The following FASTK variants were observed in gnomAD, a reference collection of about 807,000 sequenced individuals.
FASTK encodes the protein Fas activated serine/threonine kinase.
In FASTK, 28 loss-of-function variants were observed where a neutral mutation model predicts 60.0. The ratio of observed to expected loss-of-function variants is 0.47; its 90% CI spans 0.35 to 0.64. FASTK has a LOEUF of 0.64. Among genes scored for constraint, FASTK ranks in the 30% least tolerant of loss-of-function variants. The pLI is 0.01. For missense variants in FASTK, 595 were observed against 713.8 expected, an observed-to-expected ratio of 0.83 and a Z score of 1.90; for synonymous variants, 325 against 307.9, an observed-to-expected ratio of 1.06 and a Z score of -0.58.
intron 1 of FASTK, chr7:151,080,478 C>A: frequency 1.6e-6 from 2 of 1,285,634 alleles, no homozygotes; most frequent in Non-Finnish European, 2.0e-6. Flanking sequence ...CTCTCTAAGT[C>A]TCCTCACCCG....
At chr7:151,076,873 G>A (rs1797680043) in intron 9 of FASTK, 40 bp downstream of exon 9, 5 of 1,599,998 alleles carry the variant, frequency 3.1e-6, no homozygotes, top group Non-Finnish European at 4.3e-6. Flanking sequence ...CCGCAGGCTG[G>A]GAGTGAGGAT....
At position 151,078,996 on chromosome 7, in the gene FASTK, C is replaced by T. The variant is rs1198932963; in HGVS notation, c.531G>A (p.Val177=). The T allele has an allele frequency of 9.3e-6, 14 of 1,503,922 alleles. No individual in the cohort carries two copies. The highest frequency in any genetic ancestry group is 3.5e-4 in the Middle Eastern group (2 of 5,750). 93.2% of individuals were successfully genotyped at this position (1,503,922 alleles called of 1,614,324 possible). A position where few individuals can be genotyped will look rare whatever the true frequency, so the allele number is the denominator to read the frequency against. The change falls in exon 3 of 10, where the codon GTG becomes GTA. Residue 177 remains valine, a synonymous_variant. Transcript: ENST00000297532. The part of the protein sequence containing the change: ...LLGFPSDGPL[V]CALEQERRLR... ...GCCTTCGCTCCTGTTCCAGGGCACA[C>T]ACCAGGGGACCATCAGATGGAAAGC...
Position 151,077,701 on chromosome 7 carries a change from C to G in FASTK, c.1119G>C (p.Arg373=). Residue 373 remains arginine (R), a synonymous_variant, in exon 6 of 10, where the codon CGG becomes CGC. Transcript: ENST00000297532. The stretch of plus-strand genomic sequence containing the variant: ...GCTGCCTTCGGGGAAGGCGGGGACC[C>G]CGGTATCCTGGGAGCTCCAGCTCCA... The part of the protein sequence containing the change: ...TAVELELPGY[R]GPRLPRRQQV... The G allele has an allele frequency of 6.3e-7, 1 of 1,590,268 alleles. No individual in the cohort carries two copies. Among genetic ancestry groups the G allele is most frequent in the Non-Finnish European group, 8.6e-7 (1 of 1,169,100 alleles).
At chr7:151,078,476 A>G (rs1381473801) in intron 4 of FASTK, 86 bp downstream of exon 4, 2 of 1,457,086 alleles carry the variant, frequency 1.4e-6, no homozygotes, top group Non-Finnish European at 9.4e-7. Flanking sequence ...CTTCAGGAAA[A>G]GGATAGCCGA....
chr7:151,079,803 ATTT>A lies in FASTK; in HGVS notation c.199_201del (p.Lys67del). On this transcript the variant is annotated inframe_deletion, in exon 2 of 10. Transcript: ENST00000297532. ...CCTCCTCCAACAGGCCGGTCCCCCC[ATTT>A]GCTGGGCCCCAAACAGCAGGGCTGT... 6.2e-7 allele frequency: 1 copy of A among 1,600,794 alleles called. No homozygotes were observed. The highest frequency in any genetic ancestry group is 8.5e-7 in the Non-Finnish European group (1 of 1,173,732).
chr7:151,080,424 C>T, intron 1 of FASTK: 8 of 1,174,684 alleles, frequency 6.8e-6, no homozygotes, highest in Non-Finnish European at 8.6e-6. Context: ...CCATGCTGGG[C>T]GCTCCCACTC....
intron 1 of FASTK, 191 bp from the exon 2 acceptor site, chr7:151,080,113 G>A: frequency 3.4e-6 from 2 of 596,008 alleles, no homozygotes; most frequent in Non-Finnish European, 5.9e-6. Flanking sequence ...ATAATCCTCA[G>A]TGCGCTCAGC....
Position 151,078,625 on chromosome 7 carries a change from C to A in FASTK, c.762G>T (p.Glu254Asp). The change falls in exon 4 of 10, where the codon GAG (glutamate) becomes GAT (aspartate). Residue 254 changes from glutamate to aspartate, a missense_variant. Coordinates refer to ENST00000297532, the MANE Select transcript of FASTK (RefSeq NM_006712.5). The stretch of plus-strand genomic sequence containing the variant: ...GGGCAATGGCTTCCAGAAGCTGGGG[C>A]TCCCGCAACCGGTGCCGGGCCAGGT... The part of the protein sequence containing the change: ...AQHLARHRLR[E>D]PQLLEAIAHF... The A allele has an allele frequency of 6.2e-7, 1 of 1,613,588 alleles. No homozygotes were observed. Among genetic ancestry groups the A allele is most frequent in the Non-Finnish European group, 8.5e-7 (1 of 1,180,016 alleles).
In FASTK at chr7:151,079,661, G is replaced by A. The variant is rs773319789; in HGVS notation, c.344C>T (p.Ser115Leu). The A allele has an allele frequency of 1.1e-5, 18 of 1,612,516 alleles. No homozygotes were observed. Among genetic ancestry groups the A allele is most frequent in the Non-Finnish European group, 1.4e-5 (16 of 1,179,622 alleles). ...CTGGCCCAGACGACGAAGCGCCACC[G>A]AGTAGTGGTGGGCGCGCACCTTGCT... ...NPSKVRAHHYSVALRRLGQLL... is the reference protein window; with the variant it reads ...NPSKVRAHHYLVALRRLGQLL... The change falls in exon 2 of 10, where the codon TCG becomes TTG. Residue 115 changes from serine to leucine, a missense_variant. Around this residue, in one of 2 missense-constraint regions of FASTK, gnomAD observed 471 missense variants for 605.9 expected, o/e 0.78. Transcript: ENST00000297532.
At chr7:151,080,090 T>C (rs1797906099) in intron 1 of FASTK, 168 bp from the exon 2 acceptor site, 2 of 621,572 alleles carry the variant, frequency 3.2e-6, no homozygotes, top group Non-Finnish European at 5.7e-6. Flanking sequence ...TCCACGCCTT[T>C]GAAACAGCAA....
intron 9 of FASTK, 27 bp downstream of exon 9, chr7:151,076,886 G>T (rs763001777): frequency 6.3e-7 from 1 of 1,598,448 alleles, no homozygotes; most frequent in Non-Finnish European, 8.5e-7. Context: ...GTGAGGATGC[G>T]CCACGGGCCA....
rs754641727 is a variant in FASTK at position 151,079,605 on chromosome 7, C to T, written c.400G>A (p.Val134Met). The change falls in exon 2 of 10, where the codon GTG (valine) becomes ATG (methionine). Residue 134 changes from valine (V) to methionine (M), a missense_variant. Physicochemically the swap from Val to Met is conservative, Grantham distance 21. This residue lies in a region of FASTK where 471 missense variants were observed against 605.9 expected (regional missense o/e 0.78). Coordinates refer to ENST00000297532, the MANE Select transcript of FASTK (RefSeq NM_006712.5). ...LLGSRPRPPPVEQVTLQDLSQ... is the reference protein window; with the variant it reads ...LLGSRPRPPPMEQVTLQDLSQ... ...AAGTCCTGCAGTGTGACCTGCTCCA[C>T]AGGAGGGGGCCGTGGCCGAGACCCC... 1 of 1,613,922 alleles carries T rather than the reference C, an allele frequency of 6.2e-7. No individual in the cohort carries two copies. The highest frequency in any genetic ancestry group is 8.5e-7 in the Non-Finnish European group (1 of 1,180,010).
intron 6 of FASTK, 59 bp from the exon 7 acceptor site, chr7:151,077,460 A>G (rs1048807964): frequency 6.4e-7 from 1 of 1,570,224 alleles, no homozygotes. Flanking sequence ...AATCTGTCCC[A>G]GTCTAGTGCC....
intron 3 of FASTK, 22 bp from the exon 4 acceptor site, chr7:151,078,723 G>C: frequency 6.2e-7 from 1 of 1,612,030 alleles, no homozygotes; most frequent in South Asian, 1.1e-5. Flanking sequence ...AGCCTGTCAC[G>C]CTGGGCCTCA....
intron 4 of FASTK, 21 bp from the exon 5 acceptor site, chr7:151,078,113 A>C: frequency 1.3e-6 from 2 of 1,534,086 alleles, no homozygotes; most frequent in Admixed American, 1.8e-5. Flanking sequence ...AGAGCAGTTC[A>C]TTACCCAGTG....
Position 151,076,995 on chromosome 7 carries a change from A to C in FASTK, c.1460T>G (p.Phe487Cys). Residue 487 changes from phenylalanine to cysteine, a missense_variant, in exon 9 of 10, where the codon TTC becomes TGC. Coordinates refer to ENST00000297532, the MANE Select transcript of FASTK (RefSeq NM_006712.5). Reference protein sequence around the residue: ...VVLVLRERWHFCRDGRVLLGS... With the variant: ...VVLVLRERWHCCRDGRVLLGS... ...CAGCAGCACCCGGCCGTCCCGGCAGAAATGCCAGCGTTCCCGCAACACCAG... is the reference window on the plus strand; with the variant it reads ...CAGCAGCACCCGGCCGTCCCGGCAGCAATGCCAGCGTTCCCGCAACACCAG... The C allele has an allele frequency of 1.2e-5, 19 of 1,612,574 alleles. No individual in the cohort carries two copies. Among genetic ancestry groups the C allele is most frequent in the Non-Finnish European group, 1.6e-5 (19 of 1,179,824 alleles).
intron 1 of FASTK, chr7:151,080,368 G>A: frequency 3.6e-6 from 3 of 833,804 alleles, no homozygotes; most frequent in Non-Finnish European, 4.8e-6. Flanking sequence ...GGCGGCGGCG[G>A]CACAGAGGGT....
In FASTK at chr7:151,080,549, G is replaced by A. The variant is rs575435926; in HGVS notation, c.82+136C>T. Reference sequence around the variant, plus strand: ...GCGTGGAGCCCGAGTGCACCGCTTTGCGATGGCGCGGAGTCGGCGAAGTCG... The same window carrying A: ...GCGTGGAGCCCGAGTGCACCGCTTTACGATGGCGCGGAGTCGGCGAAGTCG... On this transcript the variant is annotated intron_variant, in intron 1 of 9. Coordinates refer to ENST00000297532, the MANE Select transcript of FASTK (RefSeq NM_006712.5). 159 of 1,310,586 alleles carry A rather than the reference G, an allele frequency of 1.2e-4. No homozygotes were observed. The African/African-American group carries it at 2.2e-3, about 18-fold the overall frequency. The allele number at this position is 1,310,586 out of a possible 1,614,324, so 81.2% of individuals were successfully genotyped here. A position where few individuals can be genotyped will look rare whatever the true frequency, so the allele number is the denominator to read the frequency against.
At chr7:151,078,250 A>G (rs1797778134) in intron 4 of FASTK, among the ~76,000 whole-genome samples, 158 bp from the exon 5 acceptor site, 1 of 152,208 alleles carries the variant, frequency 6.6e-6, no homozygotes, top group Non-Finnish European at 1.5e-5. Flanking sequence ...AGCAGTCACG[A>G]GCTGCACGTG....
Sources: allele counts gnomAD v4.1 joint callset (sites outside exome capture counted in the v4.1 genomes callset), GRCh38; gene constraint gnomAD v4.1.1; regional missense constraint gnomAD v4.1.1; transcripts MANE v1.5; gene names NCBI Gene and HGNC (gene_info 2026-07-23, HGNC 2026-07-21).